The following PCDH9 variants were observed in gnomAD, a reference collection of about 807,000 sequenced individuals.
PCDH9 encodes protocadherin-9.
Under a neutral mutation model 70.6 loss-of-function variants are expected in PCDH9, and 24 were observed. That is an observed-to-expected ratio of 0.34 (90% CI 0.25 to 0.48). The LOEUF (loss-of-function observed/expected upper bound fraction) is 0.48. Among genes scored for constraint, PCDH9 ranks in the 20% least tolerant of loss-of-function variants. The pLI, the probability that PCDH9 is intolerant of heterozygous loss-of-function variation, is 0.99. For missense variants in PCDH9, 1,281 were observed against 1,503.6 expected, an observed-to-expected ratio of 0.85 and a Z score of 2.45; for synonymous variants, 562 against 558.5, an observed-to-expected ratio of 1.01 and a Z score of -0.09.
chr13:67,217,719 A>G (rs1237192312), intron 2 of PCDH9: 1 of 152,108 alleles, frequency 6.6e-6, no homozygotes. Flanking sequence ...AGGCCTCTTC[A>G]TTATGGTAAT....
intron 3 of PCDH9, among the ~76,000 whole-genome samples, chr13:66,874,711 G>C (rs1351296343): frequency 6.6e-6 from 1 of 152,054 alleles, no homozygotes; most frequent in Admixed American, 6.6e-5. Context: ...TCATTATTTT[G>C]GGCCTGAAAC....
At position 67,226,854 on chromosome 13, in the gene PCDH9, T is replaced by C; in HGVS notation, c.1587A>G (p.Val529=). ...ATCGTTCTTGTTCTTCTCTGTCAAA[T>C]ACTCTGGAGGCTGTCAAAACTCCTG... The part of the protein sequence containing the change: ...RKTGVLTASR[V]FDREEQERFI... Residue 529 remains valine (V), a synonymous_variant, in exon 2 of 5, where the codon GTA becomes GTG. Transcript: ENST00000377865. The surrounding 1 kb of genome is among the most constrained non-coding windows in gnomAD (Gnocchi z 5.0). The C allele has an allele frequency of 6.2e-7, 1 of 1,614,214 alleles. No individual in the cohort carries two copies. The highest frequency in any genetic ancestry group is 8.5e-7 in the Non-Finnish European group (1 of 1,180,030).
At chr13:66,562,499 G>A (rs2076588285) in intron 4 of PCDH9, among the ~76,000 whole-genome samples, 1 of 152,208 alleles carries the variant, frequency 6.6e-6, no homozygotes, top group African/African-American at 2.4e-5. Context: ...AATCATGGCG[G>A]AAGGCAAAGT....
intron 4 of PCDH9, among the ~76,000 whole-genome samples, chr13:66,379,601 C>A (rs1956807394): frequency 6.6e-6 from 1 of 152,108 alleles, no homozygotes; most frequent in Non-Finnish European, 1.5e-5. Context: ...CAGGACACCA[C>A]AGACCAAGGT....
At chr13:66,811,488 A>T (rs2080503510) in intron 3 of PCDH9, among the ~76,000 whole-genome samples, 2 of 152,284 alleles carry the variant, frequency 1.3e-5, no homozygotes, top group South Asian at 4.1e-4. Context: ...CTATGCTTAA[A>T]ATGTTACACC....
chr13:66,962,089 A>T (rs2139727369), intron 2 of PCDH9, among the ~76,000 whole-genome samples: 1 of 152,256 alleles, frequency 6.6e-6, no homozygotes, highest in Non-Finnish European at 1.5e-5. Flanking sequence ...AGAAAAGAAA[A>T]AAAAACATAG....
intron 3 of PCDH9, among the ~76,000 whole-genome samples, chr13:66,752,518 A>C (rs1476969391): frequency 6.6e-6 from 1 of 152,178 alleles, no homozygotes; most frequent in Non-Finnish European, 1.5e-5. Flanking sequence ...ACTAGTCTAG[A>C]ACTCCTGAGC....
intron 3 of PCDH9, among the ~76,000 whole-genome samples, chr13:66,637,913 CA>C (rs10716518): frequency 0.93 from 128,458 of 137,444 alleles, 60,208 homozygotes; most frequent in East Asian, 0.99. Context: ...GACTCCTTCT[CA>C]AAAAAAAAAA....
intron 4 of PCDH9, among the ~76,000 whole-genome samples, chr13:66,584,428 T>C (rs1435580555): frequency 1.3e-5 from 2 of 152,148 alleles, no homozygotes; most frequent in Non-Finnish European, 2.9e-5. Context: ...AACAACAACC[T>C]AGGCATTTTA....
chr13:67,011,354 C>T (rs897854076), intron 2 of PCDH9, among the ~76,000 whole-genome samples: 2 of 151,808 alleles, frequency 1.3e-5, no homozygotes, highest in Non-Finnish European at 2.9e-5. Context: ...TTATTAAATG[C>T]ATTTTACCAA....
At position 66,952,738 on chromosome 13, in the gene PCDH9, T is replaced by C. The variant is rs527630663; in HGVS notation, c.3037-49133A>G. Among the ~76,000 whole-genome samples, 9 of 152,214 alleles carry C rather than the reference T, an allele frequency of 5.9e-5. No individual in the cohort carries two copies. The South Asian group carries it at 1.9e-3, about 32-fold the overall frequency. On this transcript the variant is annotated intron_variant, in intron 2 of 4. Transcript: ENST00000377865. ...CTCTGTGTAGGTAACCAGATGGCTC[T>C]TTTTCCCAAGCCACCATCTTCTATT...
At chr13:67,209,799 T>G (rs1488857865) in intron 2 of PCDH9, 1 of 152,050 alleles carries the variant, frequency 6.6e-6, no homozygotes, top group Non-Finnish European at 1.5e-5. Context: ...TGGTATTTCA[T>G]CTAATTAATG....
chr13:66,459,311 T>C (rs1336013893), intron 4 of PCDH9, among the ~76,000 whole-genome samples: 1 of 151,988 alleles, frequency 6.6e-6, no homozygotes, highest in Admixed American at 6.6e-5. Context: ...ACTATTCCTG[T>C]CATTTAATGC....
chr13:66,305,407 T>C (rs912917499), intron 4 of PCDH9, among the ~76,000 whole-genome samples: 2 of 151,958 alleles, frequency 1.3e-5, no homozygotes, highest in Non-Finnish European at 2.9e-5. Flanking sequence ...CTCATATTTA[T>C]GATAAATTAT....
chr13:66,420,306 C>A (rs1005277736), intron 4 of PCDH9, among the ~76,000 whole-genome samples: 1 of 152,200 alleles, frequency 6.6e-6, no homozygotes, highest in Non-Finnish European at 1.5e-5. Context: ...TCTCCCAACA[C>A]AGCACTCGAG....
At chr13:67,028,808 C>T (rs2084845288) in intron 2 of PCDH9, among the ~76,000 whole-genome samples, 1 of 151,876 alleles carries the variant, frequency 6.6e-6, no homozygotes. Flanking sequence ...TAAATGAAAC[C>T]TCAATTTTAA....
intron 3 of PCDH9, among the ~76,000 whole-genome samples, chr13:66,664,222 A>G (rs937142345): frequency 6.6e-6 from 1 of 152,208 alleles, no homozygotes; most frequent in African/African-American, 2.4e-5. Flanking sequence ...TACTTACACA[A>G]TTATGCTATT....
intron 3 of PCDH9, among the ~76,000 whole-genome samples, chr13:66,750,668 C>A (rs1283514186): frequency 1.3e-5 from 2 of 151,176 alleles, no homozygotes; most frequent in South Asian, 2.1e-4. Context: ...ATAGGAAAAA[C>A]CAAATCTGCT....
intron 3 of PCDH9, among the ~76,000 whole-genome samples, chr13:66,737,278 G>A (rs1268654032): frequency 6.6e-6 from 1 of 152,096 alleles, no homozygotes; most frequent in Non-Finnish European, 1.5e-5. Flanking sequence ...CCATTAGCAT[G>A]GTAATTTAAG....
Sources: allele counts gnomAD v4.1 joint callset (sites outside exome capture counted in the v4.1 genomes callset), GRCh38; gene constraint gnomAD v4.1.1; non-coding constraint Gnocchi (gnomAD v3.1); transcripts MANE v1.5; gene names NCBI Gene and HGNC (gene_info 2026-07-23, HGNC 2026-07-21).